Variants in EEFSEC observed in about 807,000 individuals in gnomAD.
The protein encoded by EEFSEC is selenocysteine-specific elongation factor.
In EEFSEC, 43 loss-of-function variants were observed where a neutral mutation model predicts 42.1. The ratio of observed to expected loss-of-function variants is 1.02; its 90% CI spans 0.80 to 1.32. The LOEUF (loss-of-function observed/expected upper bound fraction) is 1.32. EEFSEC is among the 40% of genes most tolerant of loss of function. The probability of loss-of-function intolerance (pLI) is 0.00; values close to 1 mark genes in which losing one functional copy is unlikely to be tolerated. For synonymous variants in EEFSEC, 354 were observed against 339.1 expected, an observed-to-expected ratio of 1.04 and a Z score of -0.48; for missense variants, 745 against 803.6, an observed-to-expected ratio of 0.93 and a Z score of 0.88.
intron 2 of EEFSEC, among the ~76,000 whole-genome samples, chr3:128,257,563 C>T (rs1479554868): frequency 1.3e-5 from 2 of 152,168 alleles, no homozygotes; most frequent in Non-Finnish European, 2.9e-5. Flanking sequence ...CCCTGCAGGT[C>T]TTTTATGGTT....
intron 4 of EEFSEC, among the ~76,000 whole-genome samples, chr3:128,292,552 C>T (rs1178515874): frequency 6.6e-6 from 1 of 151,428 alleles, no homozygotes; most frequent in Non-Finnish European, 1.5e-5. Context: ...TGTTGTGTTT[C>T]TATAAGGAAT....
At chr3:128,413,203 C>T (rs115564324), downstream of EEFSEC, among the ~76,000 whole-genome samples, 1,767 of 152,178 alleles carry the variant, frequency 0.012, 42 homozygotes, top group African/African-American at 0.039. Flanking sequence ...AGGAAGAGGA[C>T]GTTTGGGAAG....
intron 4 of EEFSEC, among the ~76,000 whole-genome samples, chr3:128,287,173 G>A (rs375014230): frequency 3.2e-4 from 48 of 152,320 alleles, no homozygotes; most frequent in African/African-American, 1.1e-3. Context: ...TGAACCCTGA[G>A]GGCCAATTTG....
intron 1 of EEFSEC, among the ~76,000 whole-genome samples, chr3:128,236,238 T>C (rs2066009114): frequency 6.6e-6 from 1 of 152,184 alleles, no homozygotes; most frequent in Non-Finnish European, 1.5e-5. Flanking sequence ...GCCTCCCAAA[T>C]TGTTGGGATT....
chr3:128,252,325 GGGC>G (rs1480006354), intron 2 of EEFSEC, among the ~76,000 whole-genome samples: 1 of 152,158 alleles, frequency 6.6e-6, no homozygotes, highest in East Asian at 1.9e-4. Flanking sequence ...GTGTGTGCTT[GGGC>G]GACTCACTCC....
At chr3:128,217,643 G>A (rs532040341) in intron 1 of EEFSEC, among the ~76,000 whole-genome samples, 143 of 152,284 alleles carry the variant, frequency 9.4e-4, no homozygotes, top group Non-Finnish European at 1.5e-3. Context: ...TGACATGTTT[G>A]AATTAAAGGA....
At chr3:128,249,436 T>C (rs538248370) in intron 2 of EEFSEC, among the ~76,000 whole-genome samples, 84 of 152,340 alleles carry the variant, frequency 5.5e-4, no homozygotes, top group African/African-American at 1.7e-3. Context: ...AAAATACATA[T>C]AACATAATGT....
chr3:128,313,110 T>C (rs938911649), intron 4 of EEFSEC, among the ~76,000 whole-genome samples: 1 of 152,140 alleles, frequency 6.6e-6, no homozygotes, highest in Non-Finnish European at 1.5e-5. Flanking sequence ...ACCTGGGATG[T>C]TGTAGAATCT....
Position 128,358,098 on chromosome 3 carries a change from G to C in EEFSEC, c.1444-119G>C. Reference sequence around the variant, plus strand: ...CACCAGGCTACCCACAGGGTTCCTAGAGCGGGCAGCAGCCAGCCATGCCTA... The same window carrying C: ...CACCAGGCTACCCACAGGGTTCCTACAGCGGGCAGCAGCCAGCCATGCCTA... On this transcript the variant is annotated intron_variant, in intron 5 of 6. Coordinates refer to ENST00000254730, the MANE Select transcript of EEFSEC (RefSeq NM_021937.5). The C allele has an allele frequency of 3.0e-6, 4 of 1,347,416 alleles. No individual in the cohort carries two copies. In the South Asian group the frequency reaches 5.7e-5, roughly 19 times the overall value. 83.5% of individuals were successfully genotyped at this position (1,347,416 alleles called of 1,614,324 possible).
At chr3:128,196,038 G>A (rs1002597484) in intron 1 of EEFSEC, among the ~76,000 whole-genome samples, 16 of 152,386 alleles carry the variant, frequency 1.0e-4, no homozygotes, top group South Asian at 2.1e-4. Flanking sequence ...CCTTGTCCAC[G>A]TGTGTGGGTC....
chr3:128,336,913 C>T (rs2067195923), intron 4 of EEFSEC: 1 of 152,190 alleles, frequency 6.6e-6, no homozygotes, highest in South Asian at 2.1e-4. Flanking sequence ...GAGCCTGGGC[C>T]TGGTCCTGAG....
intron 6 of EEFSEC, among the ~76,000 whole-genome samples, chr3:128,381,935 G>A (rs2067781134): frequency 3.9e-5 from 6 of 152,188 alleles, no homozygotes. Flanking sequence ...GGAGCAGGGG[G>A]AAGAACAGTG....
intron 4 of EEFSEC, among the ~76,000 whole-genome samples, chr3:128,267,437 A>T (rs1280760169): frequency 4.6e-5 from 7 of 152,148 alleles, no homozygotes; most frequent in Non-Finnish European, 8.8e-5. Flanking sequence ...CTACTGCCTG[A>T]TGATCTAATT....
chr3:128,204,935 C>T (rs1179235031), intron 1 of EEFSEC, among the ~76,000 whole-genome samples: 1 of 152,068 alleles, frequency 6.6e-6, no homozygotes, highest in Non-Finnish European at 1.5e-5. Flanking sequence ...GTTACACTTC[C>T]CCATTAGGTA....
chr3:128,179,259 C>T (rs1169642051), intron 1 of EEFSEC, among the ~76,000 whole-genome samples: 2 of 152,122 alleles, frequency 1.3e-5, no homozygotes, highest in Non-Finnish European at 2.9e-5. Flanking sequence ...GAGATGCTGG[C>T]TGCATAGGGG....
intron 1 of EEFSEC, among the ~76,000 whole-genome samples, chr3:128,215,258 C>T (rs979849222): frequency 1.3e-5 from 2 of 152,108 alleles, no homozygotes; most frequent in African/African-American, 4.8e-5. Flanking sequence ...TGTCTCTCTG[C>T]CTGCATTTAA....
At chr3:128,400,504 T>A (rs1157622675) in intron 6 of EEFSEC, among the ~76,000 whole-genome samples, 1 of 152,138 alleles carries the variant, frequency 6.6e-6, no homozygotes, top group Admixed American at 6.5e-5. Flanking sequence ...CCCAAAGAGA[T>A]CCCCTGCCCC....
At chr3:128,187,016 A>G (rs1250174262) in intron 1 of EEFSEC, among the ~76,000 whole-genome samples, 1 of 152,220 alleles carries the variant, frequency 6.6e-6, no homozygotes, top group Non-Finnish European at 1.5e-5. Context: ...CAGGAGTGGT[A>G]GAAGCAGGTT....
intron 4 of EEFSEC, among the ~76,000 whole-genome samples, chr3:128,333,531 A>G (rs1443667658): frequency 6.6e-6 from 1 of 152,206 alleles, no homozygotes; most frequent in Non-Finnish European, 1.5e-5. Flanking sequence ...GGGGGCTTCA[A>G]TTTCCTTGTC....
Sources: allele counts gnomAD v4.1 joint callset (sites outside exome capture counted in the v4.1 genomes callset), GRCh38; gene constraint gnomAD v4.1.1; transcripts MANE v1.5; gene names NCBI Gene and HGNC (gene_info 2026-07-23, HGNC 2026-07-21).